Variants in TRMT11 observed in about 807,000 individuals in gnomAD.
TRMT11 encodes tRNA (guanine(10)-N(2))-methyltransferase TRMT11.
Under a neutral mutation model 62.8 loss-of-function variants are expected in TRMT11, and 53 were observed. The ratio of observed to expected loss-of-function variants is 0.84; its 90% CI spans 0.68 to 1.06. The LOEUF is 1.06. Ranked by LOEUF, TRMT11 falls within the 50% of genes least tolerant of loss-of-function variation. The probability of loss-of-function intolerance (pLI) is 0.00; values close to 1 mark genes in which losing one functional copy is unlikely to be tolerated. For missense variants in TRMT11, 556 were observed against 553.4 expected (o/e 1.00, Z -0.05); for synonymous variants, 188 against 190.3 (o/e 0.99, Z 0.10).
intron 16 of TRMT11, among the ~76,000 whole-genome samples, chr6:126,051,718 G>A (rs1776223916): frequency 6.6e-6 from 1 of 152,126 alleles, no homozygotes; most frequent in African/African-American, 2.4e-5. Context: ...ATTCCAGCTA[G>A]GGCACTGAGT....
At chr6:126,254,357 CTTG>C in the TRMT11 span, among the ~76,000 whole-genome samples, 2 of 152,182 alleles carry the variant, frequency 1.3e-5, no homozygotes, top group East Asian at 3.8e-4. Flanking sequence ...GAAAGTTATA[CTTG>C]TTATCAGTTT....
chr6:126,038,675 T>A, intron 12 of TRMT11, 30 bp from the exon 13 acceptor site: 1 of 1,534,344 alleles, frequency 6.5e-7, no homozygotes, highest in Non-Finnish European at 8.7e-7. Flanking sequence ...AAGAAATAAT[T>A]TTTACATTTT....
chr6:126,114,255 C>T (rs1383265817), intron 18 of TRMT11, among the ~76,000 whole-genome samples: 2 of 152,068 alleles, frequency 1.3e-5, no homozygotes, highest in African/African-American at 4.8e-5. Flanking sequence ...TTGTTCTAGA[C>T]AAGCTTATCT....
At chr6:126,085,984 A>G (rs1025551398) in intron 17 of TRMT11, among the ~76,000 whole-genome samples, 5 of 151,304 alleles carry the variant, frequency 3.3e-5, no homozygotes, top group African/African-American at 7.2e-5. Flanking sequence ...AACAACAAAA[A>G]TGACACAAAC....
intron 16 of TRMT11, among the ~76,000 whole-genome samples, chr6:126,050,441 G>A (rs184003880): frequency 1.0e-3 from 154 of 152,088 alleles, no homozygotes; most frequent in Middle Eastern, 3.2e-3. Context: ...AGTGGCTCAC[G>A]CCTGTATTCT....
chr6:126,131,273 T>C (rs1476406246), intron 21 of TRMT11, among the ~76,000 whole-genome samples: 1 of 152,048 alleles, frequency 6.6e-6, no homozygotes, highest in South Asian at 2.1e-4. Flanking sequence ...TGTCACAGTC[T>C]GGATAACTCT....
At chr6:126,220,487 T>C in the TRMT11 span, among the ~76,000 whole-genome samples, 1 of 152,198 alleles carries the variant, frequency 6.6e-6, no homozygotes, top group Non-Finnish European at 1.5e-5. Context: ...GTCTCTGTTA[T>C]TGCTTTTGCT....
chr6:126,217,902 A>T, the TRMT11 span, among the ~76,000 whole-genome samples: 1 of 152,076 alleles, frequency 6.6e-6, no homozygotes, highest in Non-Finnish European at 1.5e-5. Flanking sequence ...CTGGAGTCAG[A>T]AGCCTTAGGA....
At chr6:126,095,747 T>C (rs961351589) in intron 17 of TRMT11, among the ~76,000 whole-genome samples, 5 of 152,154 alleles carry the variant, frequency 3.3e-5, no homozygotes, top group African/African-American at 1.2e-4. Flanking sequence ...AGCAACTAAC[T>C]ATGCTGGGCC....
intron 17 of TRMT11, among the ~76,000 whole-genome samples, chr6:126,080,590 CAA>C (rs1310856463): frequency 6.6e-6 from 1 of 152,118 alleles, no homozygotes; most frequent in African/African-American, 2.4e-5. Context: ...CGTGTTTTCT[CAA>C]AGAGGCCTGT....
At chr6:126,023,966 A>T (rs554089274) in intron 12 of TRMT11, among the ~76,000 whole-genome samples, 1 of 151,986 alleles carries the variant, frequency 6.6e-6, no homozygotes, top group Non-Finnish European at 1.5e-5. Flanking sequence ...TGAGTTGCTT[A>T]AAAAAAAGAC....
At chr6:126,101,597 A>T (rs1313433398) in intron 17 of TRMT11, among the ~76,000 whole-genome samples, 2 of 152,210 alleles carry the variant, frequency 1.3e-5, no homozygotes, top group Non-Finnish European at 2.9e-5. Flanking sequence ...AAAATAAATC[A>T]ACTCAGTTGT....
At chr6:126,172,923 T>C (rs1023694291), upstream of TRMT11, among the ~76,000 whole-genome samples, 1 of 152,112 alleles carries the variant, frequency 6.6e-6, no homozygotes, top group Non-Finnish European at 1.5e-5. Context: ...GTTTATAAAA[T>C]GTGGGAAGAG....
At chr6:126,266,942 G>A in the TRMT11 span, among the ~76,000 whole-genome samples, 2 of 152,104 alleles carry the variant, frequency 1.3e-5, no homozygotes, top group Non-Finnish European at 2.9e-5. Context: ...AAAGATAAAA[G>A]AAAATCATGA....
chr6:126,258,261 T>TG, the TRMT11 span: 11 of 554,580 alleles, frequency 2.0e-5, no homozygotes, highest in South Asian at 1.5e-4. Context: ...CCTGCGGCCC[T>TG]GGGGGGTGGG....
intron 12 of TRMT11, among the ~76,000 whole-genome samples, chr6:126,033,915 A>G (rs1192315898): frequency 6.6e-6 from 1 of 152,154 alleles, no homozygotes; most frequent in Non-Finnish European, 1.5e-5. Context: ...GTTTATGTTT[A>G]GAATTAGCAG....
the TRMT11 span, among the ~76,000 whole-genome samples, chr6:126,219,146 T>A: frequency 1.3e-5 from 2 of 152,178 alleles, no homozygotes; most frequent in East Asian, 3.9e-4. Context: ...TTCAGTAATA[T>A]GAAGTTAAAA....
At chr6:125,995,835 T>C in intron 2 of TRMT11, 132 bp from the exon 3 acceptor site, 1 of 632,340 alleles carries the variant, frequency 1.6e-6, no homozygotes, top group Non-Finnish European at 2.8e-6. Flanking sequence ...ATTTTTATTT[T>C]GGTTACAGTC....
intron 1 of TRMT11, among the ~76,000 whole-genome samples, chr6:126,183,699 A>T (rs2128242179): frequency 6.6e-6 from 1 of 152,244 alleles, no homozygotes; most frequent in Middle Eastern, 3.4e-3. Flanking sequence ...ATCTTTATGG[A>T]ACCTTCCCTG....
Sources: allele counts gnomAD v4.1 joint callset (sites outside exome capture counted in the v4.1 genomes callset), GRCh38; gene constraint gnomAD v4.1.1; transcripts MANE v1.5; gene names NCBI Gene and HGNC (gene_info 2026-07-23, HGNC 2026-07-21).